Variants in ITPRID1 observed in about 807,000 individuals in gnomAD.
ITPRID1 encodes the protein ITPR interacting domain containing 1.
In ITPRID1, 96 loss-of-function variants were observed where a neutral mutation model predicts 95.4. That is an observed-to-expected ratio of 1.01 (90% CI 0.85 to 1.19). The LOEUF is 1.19. ITPRID1 is among the 50% of genes most tolerant of loss of function. The pLI is 0.00. For missense variants in ITPRID1, 1,339 were observed against 1,252.9 expected (o/e 1.07, Z -1.04); for synonymous variants, 510 against 453.6 (o/e 1.12, Z -1.58).
intron 7 of ITPRID1, among the ~76,000 whole-genome samples, chr7:31,573,479 TG>T (rs1489212902): frequency 6.6e-6 from 1 of 152,206 alleles, no homozygotes; most frequent in Non-Finnish European, 1.5e-5. Context: ...AGCTACCTGT[TG>T]TTGAATGTGT....
In ITPRID1 at chr7:31,643,186, C is replaced by G; in HGVS notation, c.1816C>G (p.Gln606Glu). ...SQRSPGNDHT[Q>E]DKFLHVDSEA... ...AAGGTCACCTGGAAATGATCATACT[C>G]AAGACAAGTTCCTTCATGTTGACTC... Residue 606 changes from glutamine (Q) to glutamate (E), a missense_variant, in exon 12 of 15, where the codon CAA becomes GAA. Physicochemically the swap from Gln to Glu is conservative, Grantham distance 29 (BLOSUM62 2). Coordinates refer to ENST00000615280, the MANE Select transcript of ITPRID1 (RefSeq NM_001257967.3). 6.2e-7 allele frequency: 1 copy of G among 1,613,982 alleles called. No individual in the cohort carries two copies. The highest frequency in any genetic ancestry group is 1.1e-5 in the South Asian group (1 of 91,078).
At chr7:31,540,569 G>T (rs1388068640) in intron 1 of ITPRID1, among the ~76,000 whole-genome samples, 1 of 152,152 alleles carries the variant, frequency 6.6e-6, no homozygotes, top group Non-Finnish European at 1.5e-5. Context: ...AATCATGGTA[G>T]GACTGGTTTG....
At chr7:31,651,898 A>G (rs1365517657) in intron 13 of ITPRID1, 41 bp from the exon 14 acceptor site, 1 of 1,403,210 alleles carries the variant, frequency 7.1e-7, no homozygotes, top group Admixed American at 2.0e-5. Flanking sequence ...GCACCTGGGA[A>G]GGATTGTTAA....
At chr7:31,540,832 A>G (rs10265483) in intron 1 of ITPRID1, among the ~76,000 whole-genome samples, 87,448 of 151,952 alleles carry the variant, frequency 0.58, 26,380 homozygotes, top group Middle Eastern at 0.71. Flanking sequence ...TTTACTTACC[A>G]CTGATCAGAA....
intron 5 of ITPRID1, among the ~76,000 whole-genome samples, chr7:31,558,510 A>G (rs986260612): frequency 3.3e-5 from 5 of 152,118 alleles, no homozygotes; most frequent in African/African-American, 7.2e-5. Context: ...GTCTATATTC[A>G]TAGCTTTAAA....
At chr7:31,618,493 CA>C (rs1159497435) in intron 10 of ITPRID1, among the ~76,000 whole-genome samples, 1 of 152,104 alleles carries the variant, frequency 6.6e-6, no homozygotes, top group Non-Finnish European at 1.5e-5. Flanking sequence ...TTTCCTGATC[CA>C]AAGCCTAATC....
chr7:31,630,261 A>AAC (rs1554296750), intron 10 of ITPRID1, among the ~76,000 whole-genome samples: 1 of 151,552 alleles, frequency 6.6e-6, no homozygotes, highest in Non-Finnish European at 1.5e-5. Context: ...AAAAAAAAAA[A>AAC]ACATTGAAAA....
chr7:31,630,757 T>G (rs1346116399), intron 10 of ITPRID1, among the ~76,000 whole-genome samples: 1 of 151,858 alleles, frequency 6.6e-6, no homozygotes, highest in African/African-American at 2.4e-5. Flanking sequence ...TTAAGAAATT[T>G]TATCTACATT....
At chr7:31,628,999 T>C (rs1181140586) in intron 10 of ITPRID1, among the ~76,000 whole-genome samples, 1 of 152,126 alleles carries the variant, frequency 6.6e-6, no homozygotes. Flanking sequence ...CTTGAATCAG[T>C]AGAAAAATTA....
At chr7:31,559,865 T>C (rs1360655336) in intron 5 of ITPRID1, among the ~76,000 whole-genome samples, 4 of 152,186 alleles carry the variant, frequency 2.6e-5, no homozygotes, top group African/African-American at 9.6e-5. Flanking sequence ...ATCAGCTCTA[T>C]TTCCTTGCCC....
chr7:31,648,411 TTTTC>T (rs1379145462), intron 12 of ITPRID1, among the ~76,000 whole-genome samples: 5 of 152,132 alleles, frequency 3.3e-5, no homozygotes, highest in South Asian at 2.1e-4. Flanking sequence ...TCACCTACAG[TTTTC>T]TTTATTATGA....
At chr7:31,556,639 G>A (rs1860541) in intron 5 of ITPRID1, among the ~76,000 whole-genome samples, 88,353 of 151,866 alleles carry the variant, frequency 0.58, 26,789 homozygotes, top group Middle Eastern at 0.71. Flanking sequence ...TGGGGACCTG[G>A]AGGTCATGGC....
chr7:31,546,468 T>C (rs1304970057), intron 1 of ITPRID1, among the ~76,000 whole-genome samples: 1 of 152,026 alleles, frequency 6.6e-6, no homozygotes, highest in Admixed American at 6.6e-5. Flanking sequence ...TGTCTGTGTG[T>C]GTATAATCTC....
chr7:31,617,845 T>C (rs1787411936), intron 10 of ITPRID1, among the ~76,000 whole-genome samples: 1 of 152,170 alleles, frequency 6.6e-6, no homozygotes, highest in Non-Finnish European at 1.5e-5. Context: ...AAGAAAACAT[T>C]TGACCTATTA....
chr7:31,608,486 T>C (rs1786723610), intron 10 of ITPRID1, among the ~76,000 whole-genome samples: 1 of 151,902 alleles, frequency 6.6e-6, no homozygotes, highest in Non-Finnish European at 1.5e-5. Context: ...GTCTTCTGAT[T>C]CACAACATGG....
chr7:31,642,921 G>A lies in ITPRID1; in HGVS notation c.1551G>A (p.Leu517=). 6.2e-7 allele frequency: 1 copy of A among 1,614,032 alleles called. No individual in the cohort carries two copies. ...LLEAMEGPPE[L]YIPDMACAKT... ...AGGCCATGGAGGGGCCACCAGAGCT[G>A]TATATCCCAGACATGGCCTGTGCCA... The change falls in exon 12 of 15, where the codon CTG becomes CTA. Residue 517 remains leucine (L), a synonymous_variant. Transcript: ENST00000615280.
At chr7:31,587,660 A>G (rs1468746044) in intron 10 of ITPRID1, among the ~76,000 whole-genome samples, 1 of 151,592 alleles carries the variant, frequency 6.6e-6, no homozygotes, top group Non-Finnish European at 1.5e-5. Context: ...ATATGGAACC[A>G]AAAAAGAGCC....
chr7:31,607,504 T>G (rs1440492154), intron 10 of ITPRID1, among the ~76,000 whole-genome samples: 1 of 152,138 alleles, frequency 6.6e-6, no homozygotes, highest in Non-Finnish European at 1.5e-5. Context: ...CTTGCTCCAT[T>G]GTCTTCTTGT....
chr7:31,616,653 A>G (rs1264690927), intron 10 of ITPRID1, among the ~76,000 whole-genome samples: 1 of 152,192 alleles, frequency 6.6e-6, no homozygotes, highest in Non-Finnish European at 1.5e-5. Flanking sequence ...ATCATAAGGT[A>G]AATTCCCCAG....
Sources: allele counts gnomAD v4.1 joint callset (sites outside exome capture counted in the v4.1 genomes callset), GRCh38; gene constraint gnomAD v4.1.1; transcripts MANE v1.5; gene names NCBI Gene and HGNC (gene_info 2026-07-23, HGNC 2026-07-21).